The following STRN variants were observed in gnomAD, a reference collection of about 807,000 sequenced individuals.
STRN encodes striatin, also known as protein phosphatase 2 regulatory subunit B'''alpha.
A neutral mutation model predicts 96.3 loss-of-function variants in STRN; 53 were observed. That is an observed-to-expected ratio of 0.55 (90% CI 0.44 to 0.69). The LOEUF is 0.69. STRN is among the 30% of genes least tolerant of loss of function. The pLI is 0.00. For missense variants in STRN, 987 were observed against 963.9 expected (o/e 1.02, Z -0.32); for synonymous variants, 428 against 355.9 (o/e 1.20, Z -2.28).
At chr2:36,930,711 A>C (rs981691929) in intron 1 of STRN, among the ~76,000 whole-genome samples, 8 of 152,038 alleles carry the variant, frequency 5.3e-5, no homozygotes, top group Non-Finnish European at 1.0e-4. Flanking sequence ...AAAAAGCAGG[A>C]AACAGTCTGT....
At chr2:36,859,084 G>A (rs1009644528) in intron 13 of STRN, among the ~76,000 whole-genome samples, 1 of 152,186 alleles carries the variant, frequency 6.6e-6, no homozygotes, top group Non-Finnish European at 1.5e-5. Context: ...TGTGGACTTT[G>A]AAATAGGAAG....
chr2:36,896,281 A>G (rs1233493350), intron 6 of STRN, among the ~76,000 whole-genome samples: 3 of 152,230 alleles, frequency 2.0e-5, no homozygotes, highest in African/African-American at 7.2e-5. Context: ...ACCTCAGTAT[A>G]ACCTTACAAA....
chr2:36,884,058 G>C lies in STRN; in HGVS notation c.1060C>G (p.Leu354Val). The change falls in exon 9 of 18, where the codon CTA becomes GTA. Residue 354 changes from leucine to valine, a missense_variant. Transcript: ENST00000263918. ...KGVKRPNRSKLQDMLANLRDV... is the reference protein window; with the variant it reads ...KGVKRPNRSKVQDMLANLRDV... The stretch of plus-strand genomic sequence containing the variant: ...CTCAAATTAGCAAGCATATCTTGTA[G>C]TTTTGACCTATTGGGCCCTAGCCAA... 7.4e-7 allele frequency: 1 copy of C among 1,344,938 alleles called. No individual in the cohort carries two copies. The highest frequency in any genetic ancestry group is 1.5e-5 in the African/African-American group (1 of 66,434). The allele number at this position is 1,344,938 out of a possible 1,614,324, so 83.3% of individuals were successfully genotyped here. A position where few individuals can be genotyped will look rare whatever the true frequency, so the allele number is the denominator to read the frequency against.
At chr2:36,886,945 TC>T in intron 7 of STRN, 119 bp from the exon 8 acceptor site, 1 of 670,064 alleles carries the variant, frequency 1.5e-6, no homozygotes, top group Non-Finnish European at 2.4e-6. Context: ...TTAAAAAAAG[TC>T]AGTTTATTCA....
chr2:36,916,496 TA>T (rs150467954), intron 2 of STRN, among the ~76,000 whole-genome samples: 2,412 of 135,582 alleles, frequency 0.018, 42 homozygotes, highest in African/African-American at 0.051. Context: ...CAAAAACAGT[TA>T]AAAAAAAAAA....
chr2:36,951,789 G>A (rs567521075), intron 1 of STRN, among the ~76,000 whole-genome samples: 67 of 152,288 alleles, frequency 4.4e-4, no homozygotes, highest in African/African-American at 1.4e-3. Context: ...GAGATAGGAC[G>A]GGTTCTCAAC....
At chr2:36,962,263 T>C (rs1665046551) in intron 1 of STRN, among the ~76,000 whole-genome samples, 1 of 152,122 alleles carries the variant, frequency 6.6e-6, no homozygotes. Flanking sequence ...GCATACAGCC[T>C]CCACACCACA....
chr2:36,886,640 A>T, intron 8 of STRN, 76 bp downstream of exon 8: 4 of 1,176,064 alleles, frequency 3.4e-6, no homozygotes, highest in Non-Finnish European at 4.8e-6. Flanking sequence ...TAGATTTAGG[A>T]AAACATTGAA....
intron 13 of STRN, among the ~76,000 whole-genome samples, 168 bp downstream of exon 13, chr2:36,860,964 A>G (rs973036159): frequency 1.3e-5 from 2 of 152,252 alleles, no homozygotes; most frequent in East Asian, 3.8e-4. Flanking sequence ...TTAGCATTGT[A>G]TATCAAGTTA....
intron 1 of STRN, among the ~76,000 whole-genome samples, chr2:36,964,465 T>C (rs1470372237): frequency 6.6e-6 from 1 of 152,138 alleles, no homozygotes; most frequent in Non-Finnish European, 1.5e-5. Context: ...TAAAGATCAA[T>C]CTGTAAGTAT....
intron 9 of STRN, among the ~76,000 whole-genome samples, chr2:36,883,581 C>T (rs1161242276): frequency 6.6e-6 from 1 of 152,170 alleles, no homozygotes. Context: ...TAATAAATTG[C>T]TTAAATATTT....
chr2:36,887,407 T>C (rs968366755), intron 7 of STRN, among the ~76,000 whole-genome samples: 11 of 151,674 alleles, frequency 7.3e-5, no homozygotes, highest in Admixed American at 7.2e-4. Flanking sequence ...GAGGCGGAGG[T>C]TGCAATGAGC....
intron 14 of STRN, among the ~76,000 whole-genome samples, chr2:36,857,366 C>G (rs1218348603): frequency 6.6e-6 from 1 of 152,020 alleles, no homozygotes; most frequent in African/African-American, 2.4e-5. Context: ...TGTTCTTTCA[C>G]CAAAAACTAT....
rs186743916 is a variant in STRN, at chr2:36,846,301, G to A, written c.*3155C>T. ...ATATATTATACTGCAAAAGCAAACA[G>A]CACAACACTCATCATACTCATCATT... On this transcript the variant is annotated 3_prime_UTR_variant, in exon 18 of 18. Coordinates refer to ENST00000263918, the MANE Select transcript of STRN (RefSeq NM_003162.4). 6.9e-3 allele frequency: 982 copies of A among 143,066 alleles called. 15 individuals carry two copies. The highest frequency in any genetic ancestry group is 0.025 in the African/African-American group (942 of 38,212). The allele number at this position is 143,066 out of a possible 1,614,324, so 8.9% of individuals were successfully genotyped here.
chr2:36,905,493 T>A, intron 4 of STRN, 47 bp downstream of exon 4: 1 of 1,523,482 alleles, frequency 6.6e-7, no homozygotes, highest in Non-Finnish European at 9.1e-7. Context: ...TTCATAAAAC[T>A]GTTTCTTGTC....
chr2:36,868,486 T>A (rs1471319292), intron 11 of STRN, among the ~76,000 whole-genome samples: 1 of 152,224 alleles, frequency 6.6e-6, no homozygotes, highest in African/African-American at 2.4e-5. Context: ...ACCCTAATAC[T>A]GGCTATGACT....
chr2:36,886,623 G>T, intron 8 of STRN, 93 bp downstream of exon 8: 1 of 961,908 alleles, frequency 1.0e-6, no homozygotes, highest in Admixed American at 2.4e-5. Flanking sequence ...AAATGAAAAA[G>T]AGTAAGTAGA....
intron 3 of STRN, among the ~76,000 whole-genome samples, chr2:36,912,355 A>G (rs779547233): frequency 5.3e-5 from 8 of 152,296 alleles, no homozygotes; most frequent in African/African-American, 1.9e-4. Flanking sequence ...CTGAAAGCTA[A>G]CTATACCCAC....
intron 5 of STRN, 84 bp from the exon 6 acceptor site, chr2:36,899,742 C>A (rs746502294): frequency 4.9e-6 from 6 of 1,236,962 alleles, no homozygotes; most frequent in Non-Finnish European, 5.5e-6. Flanking sequence ...ACATCAACTT[C>A]TATTTATATG....
Sources: gnomAD v4.1 joint callset for allele counts (sites outside exome capture counted in the v4.1 genomes callset) on GRCh38, gnomAD v4.1.1 for gene constraint, MANE v1.5 for transcripts, NCBI Gene and HGNC (gene_info 2026-07-23, HGNC 2026-07-21) for gene names.